AKR1C1: variants seen among roughly 807,000 people sequenced by gnomAD.
AKR1C1 encodes 20 alpha-hydroxysteroid dehydrogenase.
AKR1C1 carries 32 observed loss-of-function variants against 40.6 expected under a neutral mutation model. The observed-to-expected ratio is 0.79, with a 90% CI of 0.60 to 1.06. The LOEUF is 1.06. Ranked by LOEUF, AKR1C1 falls within the 50% of genes least tolerant of loss-of-function variation. AKR1C1 has a pLI of 0.00. For synonymous variants in AKR1C1, 105 were observed against 134.2 expected (o/e 0.78, Z 1.50); for missense variants, 320 against 363.5 (o/e 0.88, Z 0.97).
chr10:4,968,215 A>G, intron 3 of AKR1C1, 94 bp from the exon 4 acceptor site: 1 of 1,379,830 alleles, frequency 7.2e-7, no homozygotes, highest in Non-Finnish European at 1.0e-6. Flanking sequence ...CACCTACCTC[A>G]TGGAGGATTA....
Position 4,963,458 on chromosome 10 carries a change from A to G in AKR1C1, c.14A>G (p.Tyr5Cys), listed in dbSNP as rs1286703170. ...CTAGTGACAGAAATGGATTCGAAATATCAGTGTGTGAAGCTGAATGATGGT... is the reference window on the plus strand; with the variant it reads ...CTAGTGACAGAAATGGATTCGAAATGTCAGTGTGTGAAGCTGAATGATGGT... MDSK[Y>C]QCVKLNDGHF... The change falls in exon 1 of 9, where the codon TAT (tyrosine) becomes TGT (cysteine). Residue 5 changes from tyrosine to cysteine, a missense_variant. Tyr to Cys is a radical substitution (Grantham distance 194). Coordinates refer to ENST00000380872, the MANE Select transcript of AKR1C1 (RefSeq NM_001353.6). 3 of 1,614,054 alleles carry G rather than the reference A, an allele frequency of 1.9e-6. 1 individual carries two copies. The highest frequency in any genetic ancestry group is 1.7e-6 in the Non-Finnish European group (2 of 1,179,942).
At chr10:4,964,570 A>G (rs997155847) in intron 1 of AKR1C1, among the ~76,000 whole-genome samples, 1 of 152,194 alleles carries the variant, frequency 6.6e-6, no homozygotes, top group Non-Finnish European at 1.5e-5. Flanking sequence ...TCCAGATAGG[A>G]AAACAGTTTG....
chr10:4,965,555 C>T (rs544849444), intron 1 of AKR1C1: 14 of 164,746 alleles, frequency 8.5e-5, no homozygotes, highest in Admixed American at 3.1e-4. Flanking sequence ...TGAGCCGCCA[C>T]GCCTGGCCAT....
chr10:4,963,783 C>T (rs41298222), intron 1 of AKR1C1: 13,757 of 753,010 alleles, frequency 0.018, 278 homozygotes, highest in South Asian at 0.037. Flanking sequence ...TGCCTGCTCC[C>T]TCTCTTGAAG....
intron 6 of AKR1C1, 45 bp from the exon 7 acceptor site, chr10:4,972,539 G>A (rs782362028): frequency 5.0e-6 from 8 of 1,609,086 alleles, no homozygotes; most frequent in African/African-American, 2.7e-5. Context: ...CTAACAAACT[G>A]TATCCCCAGC....
rs1239905262 is a variant in AKR1C1 at position 4,977,938 on chromosome 10, A to C, written c.*196A>C. On this transcript the variant is annotated 3_prime_UTR_variant, in exon 9 of 9. Transcript: ENST00000380872. ...TTGTTTTTTCATTTTGAAAAAATTA[A>C]ATGCTCTCTCCTAAAGATTCTTCAC... The C allele has an allele frequency of 1.2e-5, 9 of 738,984 alleles. No individual in the cohort carries two copies. Among genetic ancestry groups the C allele is most frequent in the African/African-American group, 1.8e-5 (1 of 54,134 alleles). The allele number at this position is 738,984 out of a possible 1,614,324, so 45.8% of individuals were successfully genotyped here.
chr10:4,964,642 G>A (rs2904799), intron 1 of AKR1C1, among the ~76,000 whole-genome samples: 14,126 of 152,186 alleles, frequency 0.093, 1,493 homozygotes, highest in East Asian at 0.51. Flanking sequence ...AATTTGTTAC[G>A]TAAGTCAATA....
rs1588567688 is a variant in AKR1C1 at position 4,980,704 on chromosome 10, A to G, written c.*2962A>G. The G allele has an allele frequency of 6.6e-6, 1 of 151,620 alleles. No individual in the cohort carries two copies. Among genetic ancestry groups the G allele is most frequent in the East Asian group, 1.9e-4 (1 of 5,146 alleles). 9.4% of individuals were successfully genotyped at this position (151,620 alleles called of 1,614,324 possible). ...CAATTTGAATTCTAGTTGTCTTGCTATTTCCACCACATCTGCAATTACTTT... is the reference window on the plus strand; with the variant it reads ...CAATTTGAATTCTAGTTGTCTTGCTGTTTCCACCACATCTGCAATTACTTT... On this transcript the variant is annotated 3_prime_UTR_variant, in exon 9 of 9. Transcript: ENST00000380872.
At chr10:4,967,368 G>A in intron 3 of AKR1C1, 1 of 1,079,534 alleles carries the variant, frequency 9.3e-7, no homozygotes, top group Non-Finnish European at 1.1e-6. Context: ...CAGACACAGA[G>A]TTTCATGAAG....
intron 3 of AKR1C1, chr10:4,967,493 T>C: frequency 1.0e-6 from 1 of 986,956 alleles, no homozygotes; most frequent in Non-Finnish European, 1.2e-6. Flanking sequence ...CAGACCTTCA[T>C]GGGAAACCTT....
intron 5 of AKR1C1, among the ~76,000 whole-genome samples, chr10:4,971,506 T>C (rs1420225692): frequency 3.1e-5 from 3 of 96,748 alleles, no homozygotes; most frequent in African/African-American, 1.4e-4. Flanking sequence ...ATATATATAT[T>C]ATATATATAT....
chr10:4,970,806 G>C (rs1836412866), intron 5 of AKR1C1, among the ~76,000 whole-genome samples: 1 of 110,666 alleles, frequency 9.0e-6, no homozygotes, highest in Non-Finnish European at 1.7e-5. Flanking sequence ...TCTGGGGACT[G>C]TTGTGGGGTG....
intron 7 of AKR1C1, among the ~76,000 whole-genome samples, chr10:4,975,332 T>C (rs1554770346): frequency 2.0e-5 from 3 of 152,212 alleles, no homozygotes. Flanking sequence ...CTTTTTGATA[T>C]TTAGAGTCTC....
At chr10:4,972,375 T>C (rs1188673250) in intron 6 of AKR1C1, 65 bp downstream of exon 6, 23 of 1,596,708 alleles carry the variant, frequency 1.4e-5, no homozygotes, top group Non-Finnish European at 2.0e-5. Context: ...AATCAGATCA[T>C]GCTGTTTCCT....
At chr10:4,973,241 G>C (rs1314206298) in intron 7 of AKR1C1, among the ~76,000 whole-genome samples, 2 of 151,462 alleles carry the variant, frequency 1.3e-5, no homozygotes, top group Non-Finnish European at 2.9e-5. Flanking sequence ...AATACCTTAG[G>C]ATATAAGACA....
At chr10:4,968,221 G>T in intron 3 of AKR1C1, 88 bp from the exon 4 acceptor site, 2 of 1,391,412 alleles carry the variant, frequency 1.4e-6, no homozygotes, top group Admixed American at 1.9e-5. Context: ...CCTCATGGAG[G>T]ATTAGTGTCC....
Position 4,967,010 on chromosome 10 carries a change from C to T in AKR1C1, c.336C>T (p.Asp112=), listed in dbSNP as rs762431901. ...SLKNLQLDYV[D]LYLIHFPVSV... ...AAAATCTTCAATTGGATTATGTTGA[C>T]CTCTACCTTATTCATTTTCCAGTGT... is the stretch of plus-strand genomic sequence containing the variant. Residue 112 remains aspartate (D), a synonymous_variant, in exon 3 of 9, where the codon GAC becomes GAT. Transcript: ENST00000380872. 2 of 1,613,788 alleles carry T rather than the reference C, an allele frequency of 1.2e-6. No homozygotes were observed. The highest frequency in any genetic ancestry group is 1.7e-6 in the Non-Finnish European group (2 of 1,179,830).
chr10:4,972,163 T>G (rs1836439574), intron 5 of AKR1C1, 38 bp from the exon 6 acceptor site: 15 of 1,612,704 alleles, frequency 9.3e-6, no homozygotes, highest in Non-Finnish European at 1.3e-5. Context: ...GTGTAACTTT[T>G]GGATTATCTG....
Position 4,966,048 on chromosome 10 carries a change from T to A in AKR1C1, c.219T>A (p.Ser73Arg), listed in dbSNP as rs1421691672. The stretch of plus-strand genomic sequence containing the variant: ...TCCGAAGCAAGATTGCAGATGGCAG[T>A]GTGAAGAGAGAAGACATATTCTACA... ...LAIRSKIADG[S>R]VKREDIFYTS... Residue 73 changes from serine to arginine, a missense_variant, in exon 2 of 9, where the codon AGT (serine) becomes AGA (arginine). By Grantham distance (110) the Ser-to-Arg change is moderately radical. Around this residue, in one of 3 missense-constraint regions of AKR1C1, gnomAD observed 214 missense variants for 214.8 expected, o/e 1.00. Coordinates refer to ENST00000380872, the MANE Select transcript of AKR1C1 (RefSeq NM_001353.6). 6.8e-6 allele frequency: 11 copies of A among 1,614,030 alleles called. No homozygotes were observed. Among genetic ancestry groups the A allele is most frequent in the Admixed American group, 3.3e-5 (2 of 59,996 alleles).
Sources: gnomAD v4.1 joint callset for allele counts (sites outside exome capture counted in the v4.1 genomes callset) on GRCh38, gnomAD v4.1.1 for gene constraint, gnomAD v4.1.1 regional missense constraint, MANE v1.5 for transcripts, NCBI Gene and HGNC (gene_info 2026-07-23, HGNC 2026-07-21) for gene names.